The following SLC2A13 variants were observed in gnomAD, a reference collection of about 807,000 sequenced individuals.
SLC2A13 encodes proton myo-inositol cotransporter.
Under a neutral mutation model 64.4 loss-of-function variants are expected in SLC2A13, and 32 were observed. The observed-to-expected ratio is 0.50, with a 90% CI of 0.37 to 0.67. The LOEUF (loss-of-function observed/expected upper bound fraction) is 0.67, where lower values mean the gene tolerates loss of function less well. Among genes scored for constraint, SLC2A13 ranks in the 30% least tolerant of loss-of-function variants. The pLI, the probability that SLC2A13 is intolerant of heterozygous loss-of-function variation, is 0.00. For synonymous variants in SLC2A13, 338 were observed against 327.1 expected (o/e 1.03, Z -0.36); for missense variants, 743 against 829.2 (o/e 0.90, Z 1.28).
At chr12:40,086,206 G>A (rs1287290731) in intron 1 of SLC2A13, among the ~76,000 whole-genome samples, 2 of 152,106 alleles carry the variant, frequency 1.3e-5, no homozygotes, top group African/African-American at 4.8e-5. Context: ...GGGAGATGCT[G>A]AGCAAGGCAC....
At chr12:39,942,291 T>A (rs1946044992) in intron 4 of SLC2A13, among the ~76,000 whole-genome samples, 1 of 152,236 alleles carries the variant, frequency 6.6e-6, no homozygotes, top group South Asian at 2.1e-4. Context: ...ATCTGTAGAC[T>A]GCTTTTGGCA....
intron 6 of SLC2A13, among the ~76,000 whole-genome samples, chr12:39,831,720 T>C (rs1942855820): frequency 1.3e-5 from 2 of 152,038 alleles, no homozygotes; most frequent in Admixed American, 1.3e-4. Context: ...GAATTCTCAC[T>C]CAGTTCACAT....
At chr12:39,872,694 T>G (rs1395470056) in intron 4 of SLC2A13, among the ~76,000 whole-genome samples, 2 of 152,212 alleles carry the variant, frequency 1.3e-5, no homozygotes, top group Admixed American at 1.3e-4. Flanking sequence ...GATGACAAGT[T>G]TATCACAAGA....
intron 6 of SLC2A13, among the ~76,000 whole-genome samples, chr12:39,847,587 T>G (rs1383659212): frequency 1.3e-5 from 2 of 152,054 alleles, no homozygotes; most frequent in African/African-American, 4.8e-5. Flanking sequence ...TGTGGTGAAC[T>G]TATGAAAGAC....
At chr12:39,895,920 A>G (rs1944801809) in intron 4 of SLC2A13, among the ~76,000 whole-genome samples, 1 of 137,612 alleles carries the variant, frequency 7.3e-6, no homozygotes, top group African/African-American at 2.5e-5. Flanking sequence ...ATGTATGCAT[A>G]TATGTGTATA....
intron 3 of SLC2A13, among the ~76,000 whole-genome samples, chr12:39,953,660 A>G (rs1430806478): frequency 6.6e-6 from 1 of 152,208 alleles, no homozygotes; most frequent in African/African-American, 2.4e-5. Flanking sequence ...TTTATTTTAA[A>G]TGTTTATCTT....
At chr12:40,068,503 C>T (rs1037451325) in intron 1 of SLC2A13, 2 of 258,510 alleles carry the variant, frequency 7.7e-6, no homozygotes, top group Admixed American at 8.2e-5. Context: ...TGCTTGTACC[C>T]CAGGACATAC....
chr12:40,064,864 TA>T (rs1167344033), intron 1 of SLC2A13, among the ~76,000 whole-genome samples: 1 of 152,192 alleles, frequency 6.6e-6, no homozygotes, highest in East Asian at 1.9e-4. Context: ...CCTTATCAAA[TA>T]AAAATTCAAT....
At chr12:40,066,132 A>G (rs1937710141) in intron 1 of SLC2A13, among the ~76,000 whole-genome samples, 1 of 152,182 alleles carries the variant, frequency 6.6e-6, no homozygotes, top group Non-Finnish European at 1.5e-5. Context: ...GAGATTAAAT[A>G]TTTATAAATT....
At chr12:39,794,409 C>A (rs1402272340) in intron 7 of SLC2A13, among the ~76,000 whole-genome samples, 1 of 152,252 alleles carries the variant, frequency 6.6e-6, no homozygotes, top group Admixed American at 6.5e-5. Context: ...CCTAGAGCTG[C>A]CTCTTTACAT....
chr12:39,913,333 T>G (rs2136044000), intron 4 of SLC2A13, among the ~76,000 whole-genome samples: 1 of 151,860 alleles, frequency 6.6e-6, no homozygotes, highest in South Asian at 2.1e-4. Flanking sequence ...AAACAAAAAG[T>G]TTAAAATCTG....
intron 4 of SLC2A13, among the ~76,000 whole-genome samples, chr12:39,946,487 C>T (rs182214265): frequency 1.1e-3 from 170 of 152,266 alleles, no homozygotes; most frequent in African/African-American, 3.5e-3. Context: ...GAAGTAGGGG[C>T]GAGACTAGGC....
intron 2 of SLC2A13, among the ~76,000 whole-genome samples, chr12:40,042,194 A>G (rs1948100510): frequency 6.6e-6 from 1 of 152,234 alleles, no homozygotes; most frequent in South Asian, 2.1e-4. Flanking sequence ...GACATTTAAC[A>G]AATGGTTGTA....
intron 7 of SLC2A13, among the ~76,000 whole-genome samples, chr12:39,804,977 T>C (rs773645058): frequency 5.1e-5 from 5 of 98,250 alleles, no homozygotes; most frequent in African/African-American, 2.0e-4. Flanking sequence ...GCTTGGAAAG[T>C]GCCACAGTCT....
chr12:39,875,076 T>C (rs1219481773), intron 4 of SLC2A13, among the ~76,000 whole-genome samples: 2 of 152,364 alleles, frequency 1.3e-5, no homozygotes, highest in South Asian at 2.1e-4. Context: ...TATTAGTTTG[T>C]GTTGCTGCCA....
At chr12:39,910,699 C>T (rs555751072) in intron 4 of SLC2A13, among the ~76,000 whole-genome samples, 8 of 152,062 alleles carry the variant, frequency 5.3e-5, no homozygotes, top group African/African-American at 1.9e-4. Flanking sequence ...GCATTCCCTA[C>T]TACAACCAGA....
chr12:39,909,859 G>GTT (rs568950500), intron 4 of SLC2A13, among the ~76,000 whole-genome samples: 3,035 of 132,386 alleles, frequency 0.023, 111 homozygotes, highest in African/African-American at 0.081. Flanking sequence ...CTTACAGTTT[G>GTT]TTTTTTTTTT....
intron 6 of SLC2A13, among the ~76,000 whole-genome samples, chr12:39,862,688 G>A (rs1943793878): frequency 6.6e-6 from 1 of 152,100 alleles, no homozygotes; most frequent in South Asian, 2.1e-4. Flanking sequence ...AAGGAAAGGG[G>A]AAATGTATAT....
chr12:40,063,882 G>A (rs560465530), intron 1 of SLC2A13, among the ~76,000 whole-genome samples: 9 of 151,842 alleles, frequency 5.9e-5, no homozygotes, highest in Middle Eastern at 3.4e-3. Context: ...ATCAAACTTC[G>A]AATTATTTTT....
Sources: gnomAD v4.1 joint callset for allele counts (sites outside exome capture counted in the v4.1 genomes callset) on GRCh38, gnomAD v4.1.1 for gene constraint, MANE v1.5 for transcripts, NCBI Gene and HGNC (gene_info 2026-07-23, HGNC 2026-07-21) for gene names.